The following C4orf50 variants were observed in gnomAD, a reference collection of about 807,000 sequenced individuals.
C4orf50 encodes the protein uncharacterized protein C4orf50.
A neutral mutation model predicts 77.2 loss-of-function variants in C4orf50; 80 were observed. That is an observed-to-expected ratio of 1.04 (90% CI 0.87 to 1.25). The LOEUF is 1.25. Ranked by LOEUF, C4orf50 falls within the 50% of genes most tolerant of loss-of-function variation. The pLI, the probability that C4orf50 is intolerant of heterozygous loss-of-function variation, is 0.00. For synonymous variants in C4orf50, 532 were observed against 465.3 expected (o/e 1.14, Z -1.84); for missense variants, 1,257 against 1,152.9 (o/e 1.09, Z -1.31).
chr4:6,000,622 C>T lies in C4orf50; in HGVS notation c.964-6146G>A, dbSNP rs2108800527. On this transcript the variant is annotated intron_variant, in intron 25 of 33. Transcript: ENST00000531445. The surrounding 1 kb of genome is among the most constrained non-coding windows in gnomAD (Gnocchi z 6.0). ...CCACAGGGCTCATTTCCTTGCCTTTCCTCTGCCCCTACCTCCTTCACCCAA... is the reference window on the plus strand; with the variant it reads ...CCACAGGGCTCATTTCCTTGCCTTTTCTCTGCCCCTACCTCCTTCACCCAA... Among the ~76,000 whole-genome samples the T allele has an allele frequency of 6.6e-6, 1 of 152,260 alleles. No homozygotes were observed. Among genetic ancestry groups the T allele is most frequent in the East Asian group, 1.9e-4 (1 of 5,160 alleles).
At chr4:5,957,405 G>C (rs191408150) in exon 34 of C4orf50, 1 of 152,322 alleles carries the variant, frequency 6.6e-6, no homozygotes, top group African/African-American at 2.4e-5. Flanking sequence ...CAAAGCTAAT[G>C]ACATTGTCCC....
chr4:5,921,218 T>C (rs531331036), intron 7 of C4orf50, among the ~76,000 whole-genome samples: 25 of 152,314 alleles, frequency 1.6e-4, no homozygotes, highest in African/African-American at 6.0e-4. Context: ...TGTGATAGGC[T>C]TGATGATGTG....
intron 29 of C4orf50, among the ~76,000 whole-genome samples, chr4:5,976,677 A>C (rs1720306013): frequency 6.6e-6 from 1 of 152,290 alleles, no homozygotes; most frequent in East Asian, 1.9e-4. Context: ...CAGTCTTCTC[A>C]TCTGTGAAGG....
chr4:6,010,806 G>A (rs1237209245), intron 24 of C4orf50, among the ~76,000 whole-genome samples: 3 of 152,196 alleles, frequency 2.0e-5, no homozygotes, highest in South Asian at 2.1e-4. Context: ...CAGCCCCATC[G>A]TCCTTCCCCT....
chr4:5,954,676 G>A (rs1231673395), downstream of C4orf50, among the ~76,000 whole-genome samples: 1 of 152,090 alleles, frequency 6.6e-6, no homozygotes, highest in Non-Finnish European at 1.5e-5. The surrounding 1 kb of genome is among the most constrained non-coding windows in gnomAD (Gnocchi z 4.7). Context: ...GTCAAACCAA[G>A]TAAAAGATAC....
chr4:6,009,693 G>C lies in C4orf50; in HGVS notation c.427-1161C>G, dbSNP rs1469760208. On this transcript the variant is annotated intron_variant, in intron 24 of 33. Transcript: ENST00000531445. This position sits in a 1 kb window ranked among gnomAD's most constrained non-coding sequence, Gnocchi z 5.6. ...TACTGGAAACATTGGCAGCAACAAAGCAAAACTGCCATTTGGTACATACAG... is the reference window on the plus strand; with the variant it reads ...TACTGGAAACATTGGCAGCAACAAACCAAAACTGCCATTTGGTACATACAG... 6.6e-6 allele frequency among the ~76,000 whole-genome samples: 1 copy of C among 152,192 alleles called. No homozygotes were observed. Among genetic ancestry groups the C allele is most frequent in the African/African-American group, 2.4e-5 (1 of 41,450 alleles).
chr4:5,973,706 C>T (rs909844241), exon 31 of C4orf50: 1 of 1,613,930 alleles, frequency 6.2e-7, no homozygotes, highest in African/African-American at 1.3e-5. Flanking sequence ...TCAGCCAGTG[C>T]CACGTCGTTG....
rs895331996 is a variant in C4orf50 at position 6,011,780 on chromosome 4, C to T, written c.426+50G>A. On this transcript the variant is annotated intron_variant, in intron 24 of 33. Coordinates refer to ENST00000531445, the Ensembl canonical transcript of C4orf50. This position sits in a 1 kb window ranked among gnomAD's most constrained non-coding sequence, Gnocchi z 4.2. ...AACTGCAGCTGCTGCTGAGTTCCCA[C>T]GGCTCTGCTGGACAGGAAACAGGGC... is the stretch of plus-strand genomic sequence containing the variant. The T allele has an allele frequency of 2.0e-5, 8 of 399,092 alleles. No homozygotes were observed. The highest frequency in any genetic ancestry group is 8.2e-5 in the African/African-American group (4 of 48,764). The allele number at this position is 399,092 out of a possible 1,614,324, so 24.7% of individuals were successfully genotyped here. A position where few individuals can be genotyped will look rare whatever the true frequency, so the allele number is the denominator to read the frequency against.
intron 7 of C4orf50, among the ~76,000 whole-genome samples, chr4:5,935,655 G>A (rs1221097125): frequency 6.6e-5 from 10 of 151,698 alleles, no homozygotes; most frequent in Middle Eastern, 3.2e-3. Context: ...GTGTGGTGGC[G>A]GGCGCCTATA....
chr4:5,931,233 C>T (rs16837835), intron 7 of C4orf50, among the ~76,000 whole-genome samples: 4,021 of 152,202 alleles, frequency 0.026, 196 homozygotes, highest in African/African-American at 0.091. Flanking sequence ...TTCCCATGAC[C>T]TCAGGGGTTT....
chr4:5,970,668 GA>G lies in C4orf50; in HGVS notation c.4104+2990del, dbSNP rs1055113890. On this transcript the variant is annotated intron_variant, in intron 31 of 33. Transcript: ENST00000531445. This position sits in a 1 kb window ranked among gnomAD's most constrained non-coding sequence, Gnocchi z 4.3. ...CAAACCAGGACAAGAAAAGAAAATG[GA>G]AATACAAAGACTCAGTCACGTGCAG... Among the ~76,000 whole-genome samples, 3 of 152,184 alleles carry G rather than the reference GA, an allele frequency of 2.0e-5. No individual in the cohort carries two copies. Among genetic ancestry groups the G allele is most frequent in the African/African-American group, 7.2e-5 (3 of 41,450 alleles).
chr4:5,962,294 T>C (rs1397133603), intron 33 of C4orf50, among the ~76,000 whole-genome samples: 2 of 152,240 alleles, frequency 1.3e-5, no homozygotes, highest in Admixed American at 6.5e-5. Flanking sequence ...CTTGAAATGA[T>C]TTCCAACAGA....
intron 7 of C4orf50, among the ~76,000 whole-genome samples, chr4:5,925,018 G>A (rs1180846883): frequency 6.6e-6 from 1 of 152,070 alleles, no homozygotes; most frequent in Non-Finnish European, 1.5e-5. Flanking sequence ...GAGGTTTGGG[G>A]GGTGGGGCAG....
chr4:5,998,228 A>G (rs16838044), intron 25 of C4orf50, among the ~76,000 whole-genome samples: 35,649 of 152,082 alleles, frequency 0.23, 4,679 homozygotes, highest in African/African-American at 0.34. Flanking sequence ...GGATCCTGAG[A>G]TTTTTCTCAC....
At chr4:5,944,440 C>T (rs985166581) in intron 7 of C4orf50, among the ~76,000 whole-genome samples, 6 of 152,154 alleles carry the variant, frequency 3.9e-5, no homozygotes, top group African/African-American at 1.4e-4. Flanking sequence ...CTAGGTGAAA[C>T]TATGTGGAAT....
At chr4:5,967,353 T>G in intron 32 of C4orf50, 61 bp downstream of exon 10, 1 of 1,380,882 alleles carries the variant, frequency 7.2e-7, no homozygotes, top group Non-Finnish European at 1.0e-6. Context: ...TCTCACAGCG[T>G]CCTGCCGGCC....
intron 33 of C4orf50, among the ~76,000 whole-genome samples, chr4:5,961,115 G>T (rs1479830867): frequency 6.6e-6 from 1 of 152,204 alleles, no homozygotes; most frequent in African/African-American, 2.4e-5. Context: ...TTATTTTAAC[G>T]TAGTTTAGCT....
intron 33 of C4orf50, among the ~76,000 whole-genome samples, chr4:5,962,986 CTTTTTTT>C (rs67952448): frequency 8.7e-5 from 13 of 150,166 alleles, no homozygotes; most frequent in African/African-American, 2.9e-4. Context: ...ATATTTTCTT[CTTTTTTT>C]TCTTTTCTTT....
chr4:5,989,361 TG>T lies in C4orf50; in HGVS notation c.2684del (p.Pro895GlnfsTer28). The T allele has an allele frequency of 6.5e-7, 1 of 1,536,092 alleles. No individual in the cohort carries two copies. The highest frequency in any genetic ancestry group is 8.7e-7 in the Non-Finnish European group (1 of 1,146,866). On this transcript the variant is annotated frameshift_variant, in exon 28 of 34. Coordinates refer to ENST00000531445, the Ensembl canonical transcript of C4orf50. LOFTEE classifies it high-confidence loss of function. ...CTTCATCCCAATGAGGCAGTGTCCC[TG>T]GGTTACCAGGAACTTCGCTGGTGCC...
Sources: gnomAD v4.1 joint callset for allele counts (sites outside exome capture counted in the v4.1 genomes callset) on GRCh38, gnomAD v4.1.1 for gene constraint, Gnocchi (gnomAD v3.1) non-coding constraint, MANE v1.5 for transcripts, NCBI Gene and HGNC (gene_info 2026-07-23, HGNC 2026-07-21) for gene names.